Variants in CACNA1C observed in about 807,000 individuals in gnomAD.
CACNA1C encodes voltage-dependent L-type calcium channel subunit alpha-1C.
Under a neutral mutation model 229.0 loss-of-function variants are expected in CACNA1C, and 30 were observed. The ratio of observed to expected loss-of-function variants is 0.13; its 90% CI spans 0.10 to 0.18. The LOEUF is 0.18. Ranked by LOEUF, CACNA1C falls within the 10% of genes least tolerant of loss-of-function variation. CACNA1C has a pLI of 1.00. For synonymous variants in CACNA1C, 1,114 were observed against 1,132.5 expected (o/e 0.98, Z 0.33); for missense variants, 1,658 against 2,845.0 (o/e 0.58, Z 9.49).
intron 3 of CACNA1C, among the ~76,000 whole-genome samples, chr12:2,422,199 A>G (rs755455971): frequency 7.2e-5 from 11 of 152,236 alleles, no homozygotes; most frequent in East Asian, 1.9e-4. Flanking sequence ...TTAAACTACC[A>G]TAGAAACAAT....
chr12:2,494,533 A>G (rs2099742811), intron 7 of CACNA1C, among the ~76,000 whole-genome samples: 1 of 152,218 alleles, frequency 6.6e-6, no homozygotes, highest in South Asian at 2.1e-4. Flanking sequence ...CGTGAAAACA[A>G]TCTAAGAGCC....
chr12:2,377,087 G>A (rs1439164371), intron 3 of CACNA1C, among the ~76,000 whole-genome samples: 1 of 152,166 alleles, frequency 6.6e-6, no homozygotes, highest in Non-Finnish European at 1.5e-5. Context: ...CTCCCCAGCT[G>A]GCGTGGTATT....
At chr12:2,087,061 C>T (rs1277452686) in intron 1 of CACNA1C, among the ~76,000 whole-genome samples, 2 of 152,080 alleles carry the variant, frequency 1.3e-5, no homozygotes, top group Non-Finnish European at 2.9e-5. Context: ...TTCTATCTCC[C>T]AGGCTGGGTT....
At chr12:2,553,772 G>A (rs2042612421) in intron 10 of CACNA1C, among the ~76,000 whole-genome samples, 1 of 152,212 alleles carries the variant, frequency 6.6e-6, no homozygotes, top group South Asian at 2.1e-4. Flanking sequence ...TGATGGGGAG[G>A]ATCCAGTGAG....
chr12:2,363,145 C>T (rs1400721581), intron 3 of CACNA1C, among the ~76,000 whole-genome samples: 1 of 152,146 alleles, frequency 6.6e-6, no homozygotes, highest in Non-Finnish European at 1.5e-5. Flanking sequence ...AGAGCCAGTC[C>T]TGCATCCTCT....
chr12:2,468,338 G>A (rs1347702989), intron 5 of CACNA1C, among the ~76,000 whole-genome samples: 2 of 152,220 alleles, frequency 1.3e-5, no homozygotes, highest in African/African-American at 2.4e-5. Context: ...AATGTAGGAG[G>A]CAGTGATAAA....
At chr12:2,500,159 C>G (rs1473998015) in intron 7 of CACNA1C, among the ~76,000 whole-genome samples, 2 of 152,176 alleles carry the variant, frequency 1.3e-5, no homozygotes, top group African/African-American at 4.8e-5. Flanking sequence ...TGCTGTTCCC[C>G]ATCTCGAACC....
At chr12:2,547,487 G>C in intron 9 of CACNA1C, 1 of 779,752 alleles carries the variant, frequency 1.3e-6, no homozygotes, top group Non-Finnish European at 2.4e-6. Flanking sequence ...AGAAGAAAGG[G>C]AAGTTTGCTT....
intron 3 of CACNA1C, among the ~76,000 whole-genome samples, chr12:2,353,731 A>G (rs2097273108): frequency 6.6e-6 from 1 of 152,040 alleles, no homozygotes; most frequent in African/African-American, 2.4e-5. Flanking sequence ...TTTGAAGGGG[A>G]GGCTGTCTGG....
At position 1,997,155 on chromosome 12, in the gene CACNA1C, T is replaced by G. The variant is rs551255826; in HGVS notation, c.139+25954T>G. Among the ~76,000 whole-genome samples the G allele has an allele frequency of 5.9e-5, 9 of 152,354 alleles. No homozygotes were observed. In the South Asian group the frequency reaches 1.9e-3, roughly 32 times the overall value. ...TTTATTAAATCTATCCTGAAACATA[T>G]TCTATTGACTAGACAATGGAGGACT... On this transcript the variant is annotated intron_variant, in intron 1 of 46. Transcript: ENST00000682462.
At chr12:2,460,435 T>C (rs1257963157) in intron 5 of CACNA1C, among the ~76,000 whole-genome samples, 1 of 152,216 alleles carries the variant, frequency 6.6e-6, no homozygotes, top group Non-Finnish European at 1.5e-5. Context: ...CTACAGTAAT[T>C]GCTCTAGTAC....
At chr12:2,037,414 GTAT>G (rs1452034737) in intron 1 of CACNA1C, among the ~76,000 whole-genome samples, 8 of 152,168 alleles carry the variant, frequency 5.3e-5, no homozygotes, top group African/African-American at 1.7e-4. Context: ...AGCAATTCTT[GTAT>G]TATTATTTCA....
intron 1 of CACNA1C, among the ~76,000 whole-genome samples, chr12:2,102,684 A>G (rs751512628): frequency 1.1e-4 from 17 of 152,084 alleles, no homozygotes; most frequent in Non-Finnish European, 1.9e-4. Context: ...TGCTTCGCCC[A>G]TCAACCCATC....
intron 5 of CACNA1C, among the ~76,000 whole-genome samples, chr12:2,481,989 C>T (rs997535217): frequency 3.9e-5 from 6 of 152,356 alleles, no homozygotes; most frequent in African/African-American, 9.6e-5. Flanking sequence ...GGAGAAATGT[C>T]GTGTATTTTC....
chr12:2,520,716 C>A, intron 9 of CACNA1C, among the ~76,000 whole-genome samples: 1 of 130,050 alleles, frequency 7.7e-6, no homozygotes, highest in Non-Finnish European at 1.6e-5. Context: ...TGACCAATGG[C>A]CGTGTGCTTC....
Position 2,588,216 on chromosome 12 carries a change from G to A in CACNA1C, c.2530+2312G>A, listed in dbSNP as rs534621028. On this transcript the variant is annotated intron_variant, in intron 18 of 46. Transcript: ENST00000399655. ...CCTGCTTCTTGTTCTCCCGAACCAC[G>A]AATGGCAAAGATCCTGATCTACCAT... Among the ~76,000 whole-genome samples the A allele has an allele frequency of 2.6e-4, 39 of 152,304 alleles. No individual in the cohort carries two copies. In the South Asian group the frequency reaches 8.1e-3, roughly 32 times the overall value.
chr12:2,122,316 A>G (rs1266458241), intron 3 of CACNA1C, among the ~76,000 whole-genome samples: 1 of 152,218 alleles, frequency 6.6e-6, no homozygotes, highest in Non-Finnish European at 1.5e-5. Context: ...ACTTTATGGT[A>G]TGGTAATGAT....
At chr12:2,257,958 G>A (rs913222286) in intron 3 of CACNA1C, among the ~76,000 whole-genome samples, 1 of 152,148 alleles carries the variant, frequency 6.6e-6, no homozygotes, top group Non-Finnish European at 1.5e-5. Flanking sequence ...CTCTCAACTT[G>A]ATTGAAGAGC....
chr12:2,508,054 G>A (rs1053620087), intron 8 of CACNA1C, among the ~76,000 whole-genome samples: 1 of 152,230 alleles, frequency 6.6e-6, no homozygotes, highest in African/African-American at 2.4e-5. Flanking sequence ...ACCGCCCAGA[G>A]GCCTGCAGCA....
Sources: gnomAD v4.1 joint callset for allele counts (sites outside exome capture counted in the v4.1 genomes callset) on GRCh38, gnomAD v4.1.1 for gene constraint, MANE v1.5 for transcripts, NCBI Gene and HGNC (gene_info 2026-07-23, HGNC 2026-07-21) for gene names.